Variants in CACNA2D3 observed in about 807,000 individuals in gnomAD.
CACNA2D3 encodes calcium voltage-gated channel auxiliary subunit alpha2delta 3, also known as voltage-dependent calcium channel subunit alpha-2/delta-3.
A neutral mutation model predicts 160.6 loss-of-function variants in CACNA2D3; 60 were observed. That is an observed-to-expected ratio of 0.37 (90% confidence interval 0.30 to 0.46). CACNA2D3 has a LOEUF of 0.46. CACNA2D3 is among the 20% of genes least tolerant of loss of function. CACNA2D3 has a pLI of 1.00. For missense variants in CACNA2D3, 1,205 were observed against 1,365.0 expected, an observed-to-expected ratio of 0.88 and a Z score of 1.85; for synonymous variants, 558 against 492.9, an observed-to-expected ratio of 1.13 and a Z score of -1.75.
chr3:55,057,217 G>A (rs1401509644), intron 35 of CACNA2D3, among the ~76,000 whole-genome samples: 1 of 152,180 alleles, frequency 6.6e-6, no homozygotes, highest in East Asian at 1.9e-4. Context: ...GTGGAACCGT[G>A]AGTCAATTAA....
At chr3:54,273,857 G>A (rs1214902497) in intron 2 of CACNA2D3, among the ~76,000 whole-genome samples, 1 of 152,184 alleles carries the variant, frequency 6.6e-6, no homozygotes, top group Non-Finnish European at 1.5e-5. Flanking sequence ...AGTTGTGTCT[G>A]TGCTAGATGG....
At chr3:54,991,697 C>G (rs1404179683) in intron 31 of CACNA2D3, among the ~76,000 whole-genome samples, 2 of 152,098 alleles carry the variant, frequency 1.3e-5, no homozygotes, top group Non-Finnish European at 2.9e-5. Flanking sequence ...ATACTCTGGA[C>G]TTGAAATAAG....
chr3:54,964,453 A>T (rs1702098454), intron 27 of CACNA2D3, among the ~76,000 whole-genome samples: 2 of 152,190 alleles, frequency 1.3e-5, no homozygotes, highest in Admixed American at 1.3e-4. Context: ...AGTTTCACAA[A>T]AGCATTTGCT....
chr3:54,678,149 T>G (rs1489249601), intron 11 of CACNA2D3, among the ~76,000 whole-genome samples: 1 of 152,176 alleles, frequency 6.6e-6, no homozygotes, highest in Non-Finnish European at 1.5e-5. Context: ...GGAGGGAATA[T>G]CTAGGCAGTA....
intron 2 of CACNA2D3, among the ~76,000 whole-genome samples, chr3:54,276,429 C>T (rs1702740083): frequency 6.6e-6 from 1 of 152,030 alleles, no homozygotes; most frequent in Admixed American, 6.5e-5. Context: ...AAAAATTAGC[C>T]AGGCGTGGTG....
At chr3:54,236,920 G>T (rs1295812300) in intron 2 of CACNA2D3, among the ~76,000 whole-genome samples, 2 of 152,036 alleles carry the variant, frequency 1.3e-5, no homozygotes, top group Non-Finnish European at 2.9e-5. Context: ...TTAAAATGAG[G>T]GTGATAATAT....
At chr3:55,035,727 A>G (rs2107183678) in intron 35 of CACNA2D3, among the ~76,000 whole-genome samples, 1 of 152,338 alleles carries the variant, frequency 6.6e-6, no homozygotes, top group South Asian at 2.1e-4. Flanking sequence ...AGGAGGCAAA[A>G]CAAATAATAG....
At chr3:55,062,280 C>CTTTTT (rs10693110) in intron 35 of CACNA2D3, among the ~76,000 whole-genome samples, 2,406 of 139,836 alleles carry the variant, frequency 0.017, 78 homozygotes, top group African/African-American at 0.061. Context: ...TCATATCTGT[C>CTTTTT]TTTTTTTTTT....
intron 35 of CACNA2D3, among the ~76,000 whole-genome samples, chr3:55,033,547 G>C (rs1389944737): frequency 2.2e-5 from 3 of 138,018 alleles, no homozygotes; most frequent in African/African-American, 5.4e-5. Context: ...TATTTCACCC[G>C]ATATGTCTGA....
At chr3:54,745,125 G>A (rs1701730040) in intron 11 of CACNA2D3, among the ~76,000 whole-genome samples, 1 of 152,172 alleles carries the variant, frequency 6.6e-6, no homozygotes, top group Admixed American at 6.5e-5. Context: ...TACCATGAAG[G>A]GACACACAGG....
intron 14 of CACNA2D3, among the ~76,000 whole-genome samples, chr3:54,822,500 A>G (rs1350367154): frequency 2.6e-5 from 4 of 152,186 alleles, no homozygotes; most frequent in Non-Finnish European, 5.9e-5. Context: ...GAACTTTGCA[A>G]GTGTACCCAT....
At chr3:54,372,535 T>C (rs974900572) in intron 3 of CACNA2D3, among the ~76,000 whole-genome samples, 1 of 152,228 alleles carries the variant, frequency 6.6e-6, no homozygotes, top group African/African-American at 2.4e-5. Context: ...CAGTTTCTAC[T>C]GTCAGTTTAC....
chr3:54,507,219 C>T (rs1366259697), intron 5 of CACNA2D3, among the ~76,000 whole-genome samples: 1 of 152,148 alleles, frequency 6.6e-6, no homozygotes, highest in Non-Finnish European at 1.5e-5. Context: ...CTTTTTCTTC[C>T]ATTGTAGTGT....
At chr3:54,697,279 A>C (rs2106942033) in intron 11 of CACNA2D3, among the ~76,000 whole-genome samples, 1 of 152,208 alleles carries the variant, frequency 6.6e-6, no homozygotes, top group East Asian at 1.9e-4. Flanking sequence ...ATCTCACAAA[A>C]ACAAGCAAAC....
rs567699696 is a variant in CACNA2D3, at chr3:55,058,017, A to G, written c.2988-15428A>G. The stretch of plus-strand genomic sequence containing the variant: ...AAAAATCCATAGGAACAGTAATTTA[A>G]AAGTCTAAAACATTGCCTTTCATCC... On this transcript the variant is annotated intron_variant, in intron 35 of 37. Coordinates refer to ENST00000474759, the MANE Select transcript of CACNA2D3 (RefSeq NM_018398.3). Among the ~76,000 whole-genome samples the G allele has an allele frequency of 7.4e-4, 113 of 152,318 alleles. 1 individual carries two copies. Among genetic ancestry groups the G allele is most frequent in the African/African-American group, 2.4e-3 (101 of 41,566 alleles).
In CACNA2D3 at chr3:54,809,517, A is replaced by G. The variant is rs1227885803; in HGVS notation, c.1381-7336A>G. Among the ~76,000 whole-genome samples the G allele has an allele frequency of 2.1e-5, 3 of 141,294 alleles. No individual in the cohort carries two copies. In the South Asian group the frequency reaches 6.6e-4, roughly 31 times the overall value. The allele number at this position is 141,294 out of a possible 152,430, so 92.7% of individuals were successfully genotyped here. ...GTATTTTTAGTAGAGACGGGGTTTC[A>G]CCTTGTTAGCCAGGATGGTCTCGAT... On this transcript the variant is annotated intron_variant, in intron 13 of 37. Transcript: ENST00000474759.
chr3:54,572,850 A>G (rs1702521510), intron 8 of CACNA2D3, among the ~76,000 whole-genome samples: 1 of 152,226 alleles, frequency 6.6e-6, no homozygotes, highest in Admixed American at 6.5e-5. Flanking sequence ...TCAGAAATTC[A>G]CGTAATAAGA....
intron 13 of CACNA2D3, among the ~76,000 whole-genome samples, chr3:54,773,418 A>C (rs1702356354): frequency 6.6e-6 from 1 of 152,216 alleles, no homozygotes; most frequent in African/African-American, 2.4e-5. Context: ...GTAAAGAGAA[A>C]CATAAACCAT....
chr3:54,699,596 T>G (rs1448466149), intron 11 of CACNA2D3, among the ~76,000 whole-genome samples: 2 of 152,202 alleles, frequency 1.3e-5, no homozygotes, highest in Admixed American at 1.3e-4. Context: ...CATTTTAATA[T>G]AAGGGCACAC....
Sources: allele counts gnomAD v4.1 joint callset (sites outside exome capture counted in the v4.1 genomes callset), GRCh38; gene constraint gnomAD v4.1.1; transcripts MANE v1.5; gene names NCBI Gene and HGNC (gene_info 2026-07-23, HGNC 2026-07-21).